TNNI3K: variants seen among roughly 807,000 people sequenced by gnomAD.
The protein encoded by TNNI3K is TNNI3 interacting kinase, also known as serine/threonine-protein kinase TNNI3K.
Under a neutral mutation model 114.5 loss-of-function variants are expected in TNNI3K, and 140 were observed. That is an observed-to-expected ratio of 1.22 (90% CI 1.07 to 1.41). The LOEUF (loss-of-function observed/expected upper bound fraction) is 1.41, where lower values mean the gene tolerates loss of function less well. Among genes scored for constraint, TNNI3K ranks in the 40% most tolerant of loss-of-function variants. The pLI, the probability that TNNI3K is intolerant of heterozygous loss-of-function variation, is 0.00. For missense variants in TNNI3K, 1,125 were observed against 1,007.6 expected (o/e 1.12, Z -1.58); for synonymous variants, 347 against 347.5 (o/e 1.00, Z 0.02).
At chr1:74,288,139 G>A (rs1189988976) in intron 5 of TNNI3K, among the ~76,000 whole-genome samples, 3 of 152,050 alleles carry the variant, frequency 2.0e-5, no homozygotes, top group African/African-American at 7.2e-5. Context: ...AGCAGTTATG[G>A]AAAAGAGTAT....
At chr1:74,519,194 C>T (rs2100406844) in intron 23 of TNNI3K, among the ~76,000 whole-genome samples, 1 of 88,230 alleles carries the variant, frequency 1.1e-5, no homozygotes, top group Admixed American at 1.3e-4. Flanking sequence ...CATCCATGTC[C>T]CTACAAAGGA....
intron 5 of TNNI3K, among the ~76,000 whole-genome samples, chr1:74,299,213 G>C (rs1658170795): frequency 6.6e-6 from 1 of 152,118 alleles, no homozygotes. Context: ...GAAGCGTGCT[G>C]ATTGGTGACA....
chr1:74,280,839 A>G lies in TNNI3K; in HGVS notation c.444+9131A>G, dbSNP rs539970985. ...GGTGCACGTGACCCAGTGAGACACC[A>G]GCGGTGGTGACCAAGGGAGTACTTG... On this transcript the variant is annotated intron_variant, in intron 5 of 24. Coordinates refer to ENST00000326637, the MANE Select transcript of TNNI3K (RefSeq NM_015978.3). Among the ~76,000 whole-genome samples, 159 of 152,214 alleles carry G rather than the reference A, an allele frequency of 1.0e-3. No individual in the cohort carries two copies. In the Middle Eastern group the frequency reaches 0.014, roughly 13 times the overall value.
intron 3 of TNNI3K, among the ~76,000 whole-genome samples, chr1:74,250,430 T>C (rs1343439809): frequency 6.6e-6 from 1 of 152,160 alleles, no homozygotes; most frequent in Non-Finnish European, 1.5e-5. Context: ...ATGATGAGGG[T>C]ACTAAATAAA....
At position 74,492,524 on chromosome 1, in the gene TNNI3K, G is replaced by A. The variant is rs1669133971; in HGVS notation, c.2351+258G>A. On this transcript the variant is annotated intron_variant, in intron 23 of 24. Coordinates refer to ENST00000326637, the MANE Select transcript of TNNI3K (RefSeq NM_015978.3). Reference sequence around the variant, plus strand: ...ACGTCTATTTCAGAGCAACAAAAGGGATTTATTAAAAGTATTCTGAAGCTA... The same window carrying A: ...ACGTCTATTTCAGAGCAACAAAAGGAATTTATTAAAAGTATTCTGAAGCTA... Among the ~76,000 whole-genome samples, 2 of 152,122 alleles carry A rather than the reference G, an allele frequency of 1.3e-5. 1 individual carries two copies. The highest frequency in any genetic ancestry group is 4.1e-4 in the South Asian group (2 of 4,826).
At chr1:74,309,359 T>A (rs1374403180) in intron 5 of TNNI3K, among the ~76,000 whole-genome samples, 1 of 472 alleles carries the variant, frequency 2.1e-3, no homozygotes, top group African/African-American at 4.0e-3. Flanking sequence ...ACAGCGAGAC[T>A]CTGTCTCAAA....
chr1:74,520,006 A>T (rs942980993), intron 23 of TNNI3K, among the ~76,000 whole-genome samples: 2 of 151,944 alleles, frequency 1.3e-5, no homozygotes, highest in Non-Finnish European at 2.9e-5. Flanking sequence ...TATGTATTTA[A>T]TTTTTTATTT....
At chr1:74,465,039 T>C (rs981675171) in intron 21 of TNNI3K, 9 of 1,060,430 alleles carry the variant, frequency 8.5e-6, no homozygotes, top group Non-Finnish European at 1.0e-5. Context: ...TATTTCAGTG[T>C]GAACCTCAGA....
At chr1:74,242,056 A>G (rs922440948) in intron 2 of TNNI3K, among the ~76,000 whole-genome samples, 9 of 151,878 alleles carry the variant, frequency 5.9e-5, no homozygotes, top group Non-Finnish European at 1.2e-4. Flanking sequence ...TCACTGTGTT[A>G]GCCAGGATGG....
At chr1:74,366,040 A>G (rs916796606) in intron 11 of TNNI3K, among the ~76,000 whole-genome samples, 1 of 151,380 alleles carries the variant, frequency 6.6e-6, no homozygotes, top group Admixed American at 6.6e-5. Context: ...CCACCTCATG[A>G]TCTTGAATGC....
intron 21 of TNNI3K, chr1:74,480,215 T>G (rs1668413735): frequency 1.4e-6 from 1 of 717,418 alleles, no homozygotes; most frequent in African/African-American, 1.7e-5. Context: ...ACTTCTGTCC[T>G]TTAGAACCAG....
chr1:74,511,349 C>T (rs190958463), intron 23 of TNNI3K, among the ~76,000 whole-genome samples: 1 of 152,224 alleles, frequency 6.6e-6, no homozygotes, highest in Admixed American at 6.5e-5. Flanking sequence ...CACGTCACTA[C>T]ACCCTGCTAA....
chr1:74,479,392 G>T (rs1236491251), intron 21 of TNNI3K, among the ~76,000 whole-genome samples: 6 of 152,158 alleles, frequency 3.9e-5, no homozygotes, highest in Non-Finnish European at 7.3e-5. Flanking sequence ...ATAAAGAATT[G>T]CATATTATCC....
chr1:74,385,978 A>C (rs1663455637), intron 17 of TNNI3K, among the ~76,000 whole-genome samples: 1 of 152,218 alleles, frequency 6.6e-6, no homozygotes, highest in Non-Finnish European at 1.5e-5. Flanking sequence ...GGAGGGACCC[A>C]GTGGGAGGTA....
intron 23 of TNNI3K, among the ~76,000 whole-genome samples, chr1:74,535,726 G>A (rs185709398): frequency 2.6e-5 from 4 of 152,224 alleles, no homozygotes; most frequent in African/African-American, 9.6e-5. Flanking sequence ...GATGTCTAAG[G>A]TTCAACTTAA....
chr1:74,258,855 C>T (rs968630959), intron 4 of TNNI3K, among the ~76,000 whole-genome samples: 1 of 152,174 alleles, frequency 6.6e-6, no homozygotes, highest in Non-Finnish European at 1.5e-5. Context: ...ATTTCCCTTT[C>T]TACTTTACTC....
At chr1:74,266,567 T>C (rs1429694326) in intron 4 of TNNI3K, among the ~76,000 whole-genome samples, 2 of 152,054 alleles carry the variant, frequency 1.3e-5, no homozygotes, top group Non-Finnish European at 2.9e-5. Context: ...CCAGAAGGTA[T>C]ATTTTGTCCA....
chr1:74,292,046 T>C (rs1396062980), intron 5 of TNNI3K, among the ~76,000 whole-genome samples: 1 of 151,510 alleles, frequency 6.6e-6, no homozygotes, highest in Non-Finnish European at 1.5e-5. Flanking sequence ...TTGTTCAGAA[T>C]AGTCTCTTAA....
At chr1:74,481,486 G>T (rs1668500391) in intron 21 of TNNI3K, among the ~76,000 whole-genome samples, 1 of 152,184 alleles carries the variant, frequency 6.6e-6, no homozygotes, top group South Asian at 2.1e-4. Flanking sequence ...AAGGAGCATT[G>T]ATTTCTGCTT....
Sources: gnomAD v4.1 joint callset for allele counts (sites outside exome capture counted in the v4.1 genomes callset) on GRCh38, gnomAD v4.1.1 for gene constraint, MANE v1.5 for transcripts, NCBI Gene and HGNC (gene_info 2026-07-23, HGNC 2026-07-21) for gene names.